Variants in ANO3 observed in about 807,000 individuals in gnomAD.
The protein encoded by ANO3 is anoctamin 3.
In ANO3, 99 loss-of-function variants were observed where a neutral mutation model predicts 144.8. The observed-to-expected ratio is 0.68, with a 90% CI of 0.58 to 0.81. The LOEUF is 0.81. Ranked by LOEUF, ANO3 falls within the 30% of genes least tolerant of loss-of-function variation. The pLI, the probability that ANO3 is intolerant of heterozygous loss-of-function variation, is 0.00. For missense variants in ANO3, 905 were observed against 1,202.2 expected (o/e 0.75, Z 3.66); for synonymous variants, 414 against 392.6 (o/e 1.05, Z -0.64).
At position 26,436,395 on chromosome 11, in the gene ANO3, C is replaced by G. The variant is rs1272744493; in HGVS notation, c.47-5523C>G. Among the ~76,000 whole-genome samples the G allele has an allele frequency of 2.0e-5, 3 of 152,284 alleles. No individual in the cohort carries two copies. In the East Asian group the frequency reaches 5.8e-4, roughly 29 times the overall value. On this transcript the variant is annotated intron_variant, in intron 1 of 26. Transcript: ENST00000256737. ...ATCAGGGACCCACATAACCAACAGTCTGGCCATTTTTCCATAAGTCTGCTC... is the reference window on the plus strand; with the variant it reads ...ATCAGGGACCCACATAACCAACAGTGTGGCCATTTTTCCATAAGTCTGCTC...
chr11:26,270,755 G>C (rs1853421126), intron 1 of ANO3, among the ~76,000 whole-genome samples: 2 of 152,152 alleles, frequency 1.3e-5, no homozygotes, highest in South Asian at 2.1e-4. Flanking sequence ...AATCTATTGG[G>C]GTAGGCAGCT....
chr11:26,598,601 T>C (rs903094465), intron 15 of ANO3, among the ~76,000 whole-genome samples, 154 bp downstream of exon 15: 2 of 152,234 alleles, frequency 1.3e-5, no homozygotes, highest in Non-Finnish European at 2.9e-5. Context: ...ATGAAGATAA[T>C]AGAGATCAAT....
rs1047389547 is a variant in ANO3, at chr11:26,201,185, A to G, written c.154+11855A>G. On this transcript the variant is annotated intron_variant, in intron 1 of 27. Coordinates refer to the ANO3 transcript ENST00000672621. ...TAACATCTTTTCAGTATTCACCAAC[A>G]TTTTATCTTCTATGCTGTAAAAGTA... Among the ~76,000 whole-genome samples, 8 of 152,116 alleles carry G rather than the reference A, an allele frequency of 5.3e-5. 2 individuals are homozygous for G. The South Asian group carries it at 1.2e-3, about 24-fold the overall frequency.
At chr11:26,261,541 C>G (rs1449247996) in intron 1 of ANO3, among the ~76,000 whole-genome samples, 1 of 152,172 alleles carries the variant, frequency 6.6e-6, no homozygotes, top group Non-Finnish European at 1.5e-5. Context: ...CAGAGGCTTC[C>G]ATGAGTCTCG....
At chr11:26,435,176 C>T (rs1858250393) in intron 1 of ANO3, among the ~76,000 whole-genome samples, 1 of 152,046 alleles carries the variant, frequency 6.6e-6, no homozygotes, top group African/African-American at 2.4e-5. Context: ...TAATGCACTT[C>T]TTTGTCTTTT....
intron 1 of ANO3, among the ~76,000 whole-genome samples, chr11:26,414,010 T>G (rs1307005180): frequency 2.0e-5 from 3 of 152,196 alleles, no homozygotes; most frequent in Middle Eastern, 3.4e-3. Flanking sequence ...ATTACAATCT[T>G]GGAATTGGAA....
chr11:26,393,085 C>T (rs574350640), intron 1 of ANO3, among the ~76,000 whole-genome samples: 22 of 152,108 alleles, frequency 1.4e-4, no homozygotes, highest in Admixed American at 6.6e-5. Flanking sequence ...CTTTTGAAAG[C>T]ATCTTCTAAT....
At chr11:26,259,738 A>T (rs558610700) in intron 1 of ANO3, among the ~76,000 whole-genome samples, 80 of 152,258 alleles carry the variant, frequency 5.3e-4, no homozygotes, top group African/African-American at 1.8e-3. Context: ...AACACTATGC[A>T]CCATTTATCA....
intron 23 of ANO3, 105 bp downstream of exon 23, chr11:26,643,439 A>G: frequency 1.4e-6 from 2 of 1,412,128 alleles, no homozygotes; most frequent in Admixed American, 2.0e-5. Context: ...TGCCAGTGTC[A>G]TAGTATTAAG....
chr11:26,308,320 C>G (rs1008090684), upstream of ANO3, among the ~76,000 whole-genome samples: 1 of 152,130 alleles, frequency 6.6e-6, no homozygotes, highest in Non-Finnish European at 1.5e-5. Context: ...TGGATTAGAT[C>G]GTCCTCAAGG....
intron 3 of ANO3, among the ~76,000 whole-genome samples, chr11:26,449,149 A>ACCAT (rs745565244): frequency 4.7e-4 from 72 of 152,302 alleles, no homozygotes; most frequent in Non-Finnish European, 7.2e-4. Flanking sequence ...AGACAGCTCA[A>ACCAT]CCATCTTGTG....
At chr11:26,457,334 G>GGAA (rs1859206403) in intron 3 of ANO3, among the ~76,000 whole-genome samples, 1 of 145,308 alleles carries the variant, frequency 6.9e-6, no homozygotes, top group Non-Finnish European at 1.5e-5. Context: ...TTTTGACTCT[G>GGAA]AAAAAAAAAA....
chr11:26,399,468 A>G (rs1857094988), intron 1 of ANO3, among the ~76,000 whole-genome samples: 1 of 151,634 alleles, frequency 6.6e-6, no homozygotes, highest in Admixed American at 6.6e-5. Context: ...CTTGTGCACC[A>G]TTTCAAGTTT....
chr11:26,311,544 A>T (rs957410410), intron 1 of ANO3, among the ~76,000 whole-genome samples: 6 of 152,192 alleles, frequency 3.9e-5, no homozygotes, highest in Non-Finnish European at 7.3e-5. Context: ...GAAAACATAT[A>T]CTCACATGAT....
At chr11:26,197,182 T>C (rs1046232192) in intron 1 of ANO3, among the ~76,000 whole-genome samples, 3 of 152,116 alleles carry the variant, frequency 2.0e-5, no homozygotes, top group Admixed American at 6.5e-5. Context: ...CATACTCTCA[T>C]CTCACCTTGT....
intron 4 of ANO3, among the ~76,000 whole-genome samples, chr11:26,504,778 C>T (rs1461550064): frequency 1.2e-5 from 1 of 86,476 alleles, no homozygotes; most frequent in East Asian, 3.8e-4. Flanking sequence ...AATCCCAGCA[C>T]TTTGGGAGGC....
chr11:26,511,194 C>T (rs1246538079), intron 5 of ANO3, among the ~76,000 whole-genome samples: 2 of 152,188 alleles, frequency 1.3e-5, no homozygotes, highest in Non-Finnish European at 2.9e-5. Context: ...TCTTGACTTT[C>T]TCTGTCCTCC....
At chr11:26,646,165 G>A (rs1001754177) in intron 23 of ANO3, among the ~76,000 whole-genome samples, 8 of 152,042 alleles carry the variant, frequency 5.3e-5, no homozygotes, top group African/African-American at 1.9e-4. Context: ...GTACACATAT[G>A]TAGAATTCTG....
chr11:26,282,643 T>C (rs1479143248), intron 1 of ANO3, among the ~76,000 whole-genome samples: 2 of 152,240 alleles, frequency 1.3e-5, no homozygotes, highest in East Asian at 1.9e-4. Flanking sequence ...CTCATCTACA[T>C]GACTAAAAAG....
Sources: gnomAD v4.1 joint callset for allele counts (sites outside exome capture counted in the v4.1 genomes callset) on GRCh38, gnomAD v4.1.1 for gene constraint, MANE v1.5 for transcripts, NCBI Gene and HGNC (gene_info 2026-07-23, HGNC 2026-07-21) for gene names.